CNTN5: variants seen among roughly 807,000 people sequenced by gnomAD.
The protein encoded by CNTN5 is contactin-5.
A neutral mutation model predicts 129.1 loss-of-function variants in CNTN5; 77 were observed. That is an observed-to-expected ratio of 0.60 (90% CI 0.50 to 0.72). The LOEUF is 0.72. Ranked by LOEUF, CNTN5 falls within the 30% of genes least tolerant of loss-of-function variation. The pLI is 0.00. For synonymous variants in CNTN5, 509 were observed against 465.6 expected (o/e 1.09, Z -1.20); for missense variants, 1,478 against 1,328.8 (o/e 1.11, Z -1.75).
intron 8 of CNTN5, among the ~76,000 whole-genome samples, chr11:99,959,009 A>G (rs192104636): frequency 2.1e-3 from 315 of 152,240 alleles, no homozygotes; most frequent in African/African-American, 7.2e-3. Context: ...TGGCCCAGAT[A>G]TATCACTTAT....
chr11:99,267,223 A>G (rs1383277935), intron 1 of CNTN5, among the ~76,000 whole-genome samples: 3 of 152,096 alleles, frequency 2.0e-5, no homozygotes, highest in Non-Finnish European at 2.9e-5. Context: ...AGAATTCCCA[A>G]TGCTAGGGTT....
At chr11:99,877,046 A>G (rs138236229) in intron 6 of CNTN5, among the ~76,000 whole-genome samples, 385 of 152,284 alleles carry the variant, frequency 2.5e-3, no homozygotes, top group Admixed American at 8.4e-3. Flanking sequence ...AGGAGTGATA[A>G]TTAGATGCCA....
At chr11:99,199,426 T>G (rs1859058007) in intron 1 of CNTN5, among the ~76,000 whole-genome samples, 1 of 152,210 alleles carries the variant, frequency 6.6e-6, no homozygotes, top group Non-Finnish European at 1.5e-5. Context: ...TATCAGTTAC[T>G]GTTGCAATAA....
At chr11:99,990,677 T>C (rs537080128) in intron 8 of CNTN5, among the ~76,000 whole-genome samples, 9 of 152,308 alleles carry the variant, frequency 5.9e-5, no homozygotes, top group African/African-American at 9.6e-5. Flanking sequence ...CAGGATGATA[T>C]ACACTTTTTG....
At chr11:100,087,415 T>G (rs1944595642) in intron 13 of CNTN5, among the ~76,000 whole-genome samples, 1 of 151,666 alleles carries the variant, frequency 6.6e-6, no homozygotes, top group Admixed American at 6.6e-5. Flanking sequence ...TAAGAACAAA[T>G]GATCCCAATT....
chr11:100,194,938 T>C (rs1275036646), intron 15 of CNTN5, among the ~76,000 whole-genome samples: 7 of 151,854 alleles, frequency 4.6e-5, no homozygotes, highest in African/African-American at 1.7e-4. Flanking sequence ...AAGAAACAAT[T>C]GCCAACTACA....
intron 10 of CNTN5, among the ~76,000 whole-genome samples, chr11:100,062,326 A>T (rs1943518777): frequency 6.6e-6 from 1 of 152,224 alleles, no homozygotes; most frequent in African/African-American, 2.4e-5. Flanking sequence ...TGCCCTTTAC[A>T]GGAACTCCTA....
At chr11:100,297,766 T>A in intron 19 of CNTN5, 71 bp downstream of exon 19, 2 of 1,171,746 alleles carry the variant, frequency 1.7e-6, no homozygotes, top group Non-Finnish European at 2.5e-6. Context: ...TTAATTATTT[T>A]ATGATTAAGC....
chr11:99,572,108 A>C (rs184056924), intron 3 of CNTN5, among the ~76,000 whole-genome samples: 7 of 152,328 alleles, frequency 4.6e-5, no homozygotes, highest in African/African-American at 1.7e-4. Context: ...CTATCATTAA[A>C]TAGCTAAAAG....
chr11:100,072,010 A>G (rs1454447841), intron 12 of CNTN5, among the ~76,000 whole-genome samples, 176 bp downstream of exon 12: 1 of 152,126 alleles, frequency 6.6e-6, no homozygotes, highest in Non-Finnish European at 1.5e-5. Context: ...TATGTTGTGT[A>G]TAGTTCGTCC....
chr11:99,745,563 C>G (rs1425017033), intron 3 of CNTN5, among the ~76,000 whole-genome samples: 1 of 152,128 alleles, frequency 6.6e-6, no homozygotes, highest in Non-Finnish European at 1.5e-5. Context: ...TTGATAGCAC[C>G]TTTCTCTGTT....
intron 9 of CNTN5, among the ~76,000 whole-genome samples, chr11:100,046,309 A>G (rs1403902995): frequency 6.6e-6 from 1 of 152,214 alleles, no homozygotes; most frequent in Non-Finnish European, 1.5e-5. Flanking sequence ...CAGTACCAAG[A>G]GTAACAATAA....
intron 1 of CNTN5, among the ~76,000 whole-genome samples, chr11:99,310,770 CTATA>C (rs1383255253): frequency 1.3e-5 from 2 of 152,074 alleles, no homozygotes; most frequent in Non-Finnish European, 2.9e-5. Flanking sequence ...AAATAATAGA[CTATA>C]TACTATTATG....
chr11:99,531,263 C>G (rs10893463), intron 2 of CNTN5, among the ~76,000 whole-genome samples: 1 of 151,918 alleles, frequency 6.6e-6, no homozygotes, highest in African/African-American at 2.4e-5. Flanking sequence ...TAGAGATTTG[C>G]GGAACTTTGA....
intron 2 of CNTN5, among the ~76,000 whole-genome samples, chr11:99,533,519 C>T (rs1947791103): frequency 6.6e-6 from 1 of 152,214 alleles, no homozygotes; most frequent in East Asian, 1.9e-4. Context: ...ATAGTGACAT[C>T]TCACTCTCTG....
chr11:99,035,364 G>A (rs1863659711), intron 1 of CNTN5, among the ~76,000 whole-genome samples: 1 of 152,094 alleles, frequency 6.6e-6, no homozygotes. Flanking sequence ...AATGCTGACA[G>A]TGGGGTGTTA....
intron 3 of CNTN5, among the ~76,000 whole-genome samples, chr11:99,630,927 T>A (rs1951324568): frequency 6.6e-6 from 1 of 152,180 alleles, no homozygotes; most frequent in Non-Finnish European, 1.5e-5. Context: ...TTATTTTCCC[T>A]AACTCATCCC....
chr11:99,487,566 T>A (rs767952466), intron 2 of CNTN5, among the ~76,000 whole-genome samples: 37 of 152,254 alleles, frequency 2.4e-4, no homozygotes, highest in Non-Finnish European at 2.4e-4. Flanking sequence ...TAGTCTTTGA[T>A]GAAAACATCC....
intron 15 of CNTN5, among the ~76,000 whole-genome samples, chr11:100,213,006 C>A (rs529993651): frequency 2.1e-4 from 32 of 152,004 alleles, no homozygotes; most frequent in Non-Finnish European, 4.4e-4. Context: ...GAATTATTCC[C>A]CATGGCAGAA....
Sources: allele counts gnomAD v4.1 joint callset (sites outside exome capture counted in the v4.1 genomes callset), GRCh38; gene constraint gnomAD v4.1.1; transcripts MANE v1.5; gene names NCBI Gene and HGNC (gene_info 2026-07-23, HGNC 2026-07-21).